DPP10: variants seen among roughly 807,000 people sequenced by gnomAD.
DPP10 encodes dipeptidyl peptidase like 10.
In DPP10, 33 loss-of-function variants were observed where a neutral mutation model predicts 120.9. That is an observed-to-expected ratio of 0.27 (90% confidence interval 0.21 to 0.37). The LOEUF (loss-of-function observed/expected upper bound fraction) is 0.37, where lower values mean the gene tolerates loss of function less well. Ranked by LOEUF, DPP10 falls within the 10% of genes least tolerant of loss-of-function variation. The pLI, the probability that DPP10 is intolerant of heterozygous loss-of-function variation, is 1.00. For missense variants in DPP10, 816 were observed against 942.8 expected, an observed-to-expected ratio of 0.87 and a Z score of 1.76; for synonymous variants, 337 against 326.1, an observed-to-expected ratio of 1.03 and a Z score of -0.36.
At chr2:115,257,096 A>G (rs563223155) in intron 1 of DPP10, among the ~76,000 whole-genome samples, 239 of 152,314 alleles carry the variant, frequency 1.6e-3, no homozygotes, top group African/African-American at 5.1e-3. Context: ...TCCATGTCAT[A>G]TCAGCATTTT....
rs70941004 is a variant in DPP10 at position 114,748,340 on chromosome 2, T to TTTC, written c.60+305504_60+305505insCTT. The stretch of plus-strand genomic sequence containing the variant: ...TCACGTAGGACAAAGGGAATTTTCT[T>TTTC]TTTTTTTTTTATTTTTTTTTATTTT... On this transcript the variant is annotated intron_variant, in intron 1 of 25. Coordinates refer to ENST00000410059, the MANE Select transcript of DPP10 (RefSeq NM_020868.6). Among the ~76,000 whole-genome samples, 471 of 129,734 alleles carry TTTC rather than the reference T, an allele frequency of 3.6e-3. 12 individuals are homozygous for TTTC. The highest frequency in any genetic ancestry group is 5.8e-3 in the Non-Finnish European group (363 of 62,872). The allele number at this position is 129,734 out of a possible 152,430, so 85.1% of individuals were successfully genotyped here.
chr2:115,799,617 A>T (rs1349532251), intron 19 of DPP10, among the ~76,000 whole-genome samples: 21 of 119,160 alleles, frequency 1.8e-4, no homozygotes, highest in Non-Finnish European at 2.7e-4. Flanking sequence ...CTGGTGTGTG[A>T]TGTTCCCCTT....
intron 1 of DPP10, among the ~76,000 whole-genome samples, chr2:115,147,388 G>C (rs988995882): frequency 1.3e-5 from 2 of 151,970 alleles, no homozygotes; most frequent in African/African-American, 4.8e-5. Context: ...CAATAGAATT[G>C]CCTGTGTTCA....
intron 1 of DPP10, among the ~76,000 whole-genome samples, chr2:115,232,316 T>C (rs964286699): frequency 9.0e-5 from 11 of 122,262 alleles, no homozygotes; most frequent in African/African-American, 2.8e-4. Flanking sequence ...AGCTTCACCA[T>C]TTTTCTGGAA....
intron 1 of DPP10, among the ~76,000 whole-genome samples, chr2:115,088,137 A>G (rs1287543123): frequency 6.6e-6 from 1 of 152,090 alleles, no homozygotes; most frequent in African/African-American, 2.4e-5. Flanking sequence ...CTCTTTTATA[A>G]GGGCACTAAT....
At chr2:114,755,291 T>G (rs530350708) in intron 1 of DPP10, among the ~76,000 whole-genome samples, 2 of 152,284 alleles carry the variant, frequency 1.3e-5, no homozygotes, top group African/African-American at 4.8e-5. Flanking sequence ...ACTGTTTGTT[T>G]TGTTGCTGTT....
chr2:115,088,755 A>AAAAAAAAC (rs1553485513), intron 1 of DPP10, among the ~76,000 whole-genome samples: 2 of 149,736 alleles, frequency 1.3e-5, no homozygotes, highest in South Asian at 2.1e-4. Flanking sequence ...CCTGACAAAA[A>AAAAAAAAC]AAAAAAAAAA....
intron 2 of DPP10, chr2:115,342,263 G>C: frequency 2.5e-6 from 1 of 394,110 alleles, no homozygotes; most frequent in Admixed American, 2.8e-5. Flanking sequence ...TAGTGGTGCA[G>C]TGGTGCGATC....
At chr2:115,308,275 A>C (rs2061437195) in intron 1 of DPP10, among the ~76,000 whole-genome samples, 1 of 152,214 alleles carries the variant, frequency 6.6e-6, no homozygotes, top group Non-Finnish European at 1.5e-5. Context: ...ATTTGTGCAC[A>C]TGTAGTGAGC....
In DPP10 at chr2:115,496,076, A is replaced by T. The variant is rs567382210; in HGVS notation, c.272-3434A>T. On this transcript the variant is annotated intron_variant, in intron 3 of 25. Transcript: ENST00000410059. ...AGGATCACTATTAGTCTGGTAGATA[A>T]CTGTTAATCTAGTAACAGGAGTTTC... is the stretch of plus-strand genomic sequence containing the variant. 2.0e-5 allele frequency among the ~76,000 whole-genome samples: 3 copies of T among 152,238 alleles called. 1 individual carries two copies. The South Asian group carries it at 6.2e-4, about 32-fold the overall frequency.
chr2:114,499,847 C>T (rs560640446), intron 1 of DPP10, among the ~76,000 whole-genome samples: 1 of 152,272 alleles, frequency 6.6e-6, no homozygotes, highest in South Asian at 2.1e-4. Flanking sequence ...AATAAATTTC[C>T]TTAAATGAGG....
chr2:115,419,937 T>C (rs1484890151), intron 3 of DPP10, among the ~76,000 whole-genome samples: 35 of 152,220 alleles, frequency 2.3e-4, no homozygotes, highest in Admixed American at 2.3e-3. Context: ...GTTCTGGAAC[T>C]TTCCCCTTGC....
At chr2:115,275,719 A>G (rs1224483882) in intron 1 of DPP10, among the ~76,000 whole-genome samples, 1 of 25,036 alleles carries the variant, frequency 4.0e-5, no homozygotes, top group East Asian at 9.9e-4. Context: ...TTTTTTTTTG[A>G]GACGGAGTCT....
chr2:115,289,506 G>A (rs149599726), intron 1 of DPP10, among the ~76,000 whole-genome samples: 23,914 of 114,210 alleles, frequency 0.21, 3,248 homozygotes, highest in East Asian at 0.38. Flanking sequence ...AAAAAAAAAG[G>A]AAGAAAAGAA....
At chr2:115,227,626 G>A (rs2057501101) in intron 1 of DPP10, among the ~76,000 whole-genome samples, 1 of 152,052 alleles carries the variant, frequency 6.6e-6, no homozygotes, top group Non-Finnish European at 1.5e-5. Context: ...TGTTCAGATA[G>A]TTTTGCTTTA....
At chr2:115,039,263 C>T (rs1704457151) in intron 1 of DPP10, among the ~76,000 whole-genome samples, 1 of 152,134 alleles carries the variant, frequency 6.6e-6, no homozygotes, top group Admixed American at 6.5e-5. Flanking sequence ...ATATGTCCTG[C>T]TAAGTATCTG....
intron 3 of DPP10, among the ~76,000 whole-genome samples, chr2:115,362,475 G>GA (rs1251514584): frequency 6.6e-6 from 1 of 152,000 alleles, no homozygotes; most frequent in Non-Finnish European, 1.5e-5. Context: ...ATGTATAATA[G>GA]AAAAAATCCA....
chr2:114,778,274 T>C lies in DPP10; in HGVS notation c.60+335436T>C, dbSNP rs187229905. 3.3e-5 allele frequency among the ~76,000 whole-genome samples: 5 copies of C among 152,252 alleles called. No individual in the cohort carries two copies. The South Asian group carries it at 6.2e-4, about 19-fold the overall frequency. On this transcript the variant is annotated intron_variant, in intron 1 of 25. Transcript: ENST00000410059. ...TTTCAAAATGCAAGTTACTAAAGTA[T>C]ATTATATATGCAAAACATTTGGCTT... is the stretch of plus-strand genomic sequence containing the variant.
chr2:115,384,251 G>A (rs540934833), intron 3 of DPP10, among the ~76,000 whole-genome samples: 13 of 152,212 alleles, frequency 8.5e-5, no homozygotes, highest in Admixed American at 7.2e-4. Flanking sequence ...GCTCACACCT[G>A]TAATCCCAGA....
Sources: allele counts gnomAD v4.1 joint callset (sites outside exome capture counted in the v4.1 genomes callset), GRCh38; gene constraint gnomAD v4.1.1; transcripts MANE v1.5; gene names NCBI Gene and HGNC (gene_info 2026-07-23, HGNC 2026-07-21).